CHST11: variants seen among roughly 807,000 people sequenced by gnomAD.
CHST11 encodes C4S-1.
A neutral mutation model predicts 30.4 loss-of-function variants in CHST11; 9 were observed. The observed-to-expected ratio is 0.30, with a 90% CI of 0.18 to 0.52. CHST11 has a LOEUF of 0.52. Among genes scored for constraint, CHST11 ranks in the 20% least tolerant of loss-of-function variants. CHST11 has a pLI of 0.97. For synonymous variants in CHST11, 152 were observed against 187.8 expected (o/e 0.81, Z 1.56); for missense variants, 348 against 460.6 (o/e 0.76, Z 2.24).
chr12:104,660,921 G>T (rs760291347), intron 2 of CHST11, among the ~76,000 whole-genome samples: 14 of 152,112 alleles, frequency 9.2e-5, no homozygotes, highest in Admixed American at 5.2e-4. Context: ...GGTTTCTGTG[G>T]TTCTCATCCT....
At chr12:104,657,595 T>A (rs1215774471) in intron 2 of CHST11, among the ~76,000 whole-genome samples, 1 of 152,056 alleles carries the variant, frequency 6.6e-6, no homozygotes, top group Admixed American at 6.5e-5. Context: ...ATGGGAGAAA[T>A]AATGCATGTT....
At chr12:104,466,024 C>T (rs2037454136) in intron 1 of CHST11, among the ~76,000 whole-genome samples, 1 of 151,792 alleles carries the variant, frequency 6.6e-6, no homozygotes, top group African/African-American at 2.4e-5. Context: ...CACGCCCAGC[C>T]AATTTTTGTA....
chr12:104,476,887 C>T (rs2037567966), intron 1 of CHST11, among the ~76,000 whole-genome samples: 1 of 151,238 alleles, frequency 6.6e-6, no homozygotes, highest in South Asian at 2.1e-4. Flanking sequence ...ACTGTGTCCC[C>T]AGTCCCTGGC....
At chr12:104,492,959 G>A (rs2037761680) in intron 1 of CHST11, among the ~76,000 whole-genome samples, 1 of 151,274 alleles carries the variant, frequency 6.6e-6, no homozygotes, top group South Asian at 2.1e-4. Flanking sequence ...CTTGAACCCG[G>A]GAGGCGGAGG....
intron 2 of CHST11, among the ~76,000 whole-genome samples, chr12:104,649,726 G>A (rs963699917): frequency 6.6e-6 from 1 of 152,228 alleles, no homozygotes; most frequent in African/African-American, 2.4e-5. Flanking sequence ...TCAGAGTATA[G>A]TGTGTTTGGC....
chr12:104,669,420 A>AT (rs34475114), intron 2 of CHST11, among the ~76,000 whole-genome samples: 59,819 of 151,850 alleles, frequency 0.39, 11,940 homozygotes, highest in African/African-American at 0.45. Flanking sequence ...GGTGCAAATG[A>AT]TTTTTTTTCC....
At chr12:104,641,503 G>A (rs749902704) in intron 2 of CHST11, among the ~76,000 whole-genome samples, 2 of 152,128 alleles carry the variant, frequency 1.3e-5, no homozygotes, top group Admixed American at 6.5e-5. Flanking sequence ...TCTGAGGGGT[G>A]GAACAGTGAG....
chr12:104,719,624 G>A (rs1270872494), intron 2 of CHST11, among the ~76,000 whole-genome samples: 1 of 152,180 alleles, frequency 6.6e-6, no homozygotes, highest in Non-Finnish European at 1.5e-5. Flanking sequence ...CTACTTCAGG[G>A]CAAATGACTG....
At chr12:104,633,540 G>A (rs111835549) in intron 2 of CHST11, among the ~76,000 whole-genome samples, 7,444 of 148,574 alleles carry the variant, frequency 0.05, 289 homozygotes, top group African/African-American at 0.1. Flanking sequence ...TCAGCCTCCC[G>A]AGTAGCTGGG....
chr12:104,741,771 T>C (rs1350532970), intron 2 of CHST11, among the ~76,000 whole-genome samples: 2 of 152,102 alleles, frequency 1.3e-5, no homozygotes, highest in Admixed American at 1.3e-4. Flanking sequence ...CGCTCAATCA[T>C]CAGTTCTCAA....
chr12:104,736,820 G>A (rs569527556), intron 2 of CHST11, among the ~76,000 whole-genome samples: 1 of 152,180 alleles, frequency 6.6e-6, no homozygotes, highest in East Asian at 1.9e-4. Context: ...AGCGCTGTAG[G>A]TGTACTAGAA....
rs1363036312 is a variant in CHST11 at position 104,758,088 on chromosome 12, A to C, written c.*285A>C. The C allele has an allele frequency of 3.9e-6, 1 of 258,272 alleles. No individual in the cohort carries two copies. Among genetic ancestry groups the C allele is most frequent in the Non-Finnish European group, 7.3e-6 (1 of 136,298 alleles). 16.0% of individuals were successfully genotyped at this position (258,272 alleles called of 1,614,324 possible). A position where few individuals can be genotyped will look rare whatever the true frequency, so the allele number is the denominator to read the frequency against. ...ATGAATTGTGCATTCCATAAATTCTAATTAATATTATTTATAGTTATTTAA... is the reference window on the plus strand; with the variant it reads ...ATGAATTGTGCATTCCATAAATTCTCATTAATATTATTTATAGTTATTTAA... On this transcript the variant is annotated 3_prime_UTR_variant, in exon 3 of 3. Transcript: ENST00000303694.
At chr12:104,651,060 C>T (rs997000923) in intron 2 of CHST11, among the ~76,000 whole-genome samples, 16 of 152,178 alleles carry the variant, frequency 1.1e-4, no homozygotes, top group African/African-American at 3.6e-4. Context: ...TTTCAAATAG[C>T]CAAGCCAACC....
intron 1 of CHST11, among the ~76,000 whole-genome samples, chr12:104,536,279 TG>T (rs2038236492): frequency 6.6e-6 from 1 of 151,396 alleles, no homozygotes; most frequent in Non-Finnish European, 1.5e-5. Context: ...TTAAGTCTGG[TG>T]TTTATGTCAT....
chr12:104,520,521 A>C (rs1020316441), intron 1 of CHST11, among the ~76,000 whole-genome samples: 3 of 152,106 alleles, frequency 2.0e-5, no homozygotes, highest in African/African-American at 4.8e-5. Flanking sequence ...ACAAAAAAAA[A>C]CAAACCTCTC....
At chr12:104,684,032 G>T (rs939368343) in intron 2 of CHST11, among the ~76,000 whole-genome samples, 4 of 152,172 alleles carry the variant, frequency 2.6e-5, no homozygotes, top group African/African-American at 7.2e-5. Flanking sequence ...GCACACTGCT[G>T]GCAGAATAGT....
intron 2 of CHST11, among the ~76,000 whole-genome samples, chr12:104,666,911 GC>G (rs1555242071): frequency 6.6e-6 from 1 of 151,956 alleles, no homozygotes; most frequent in Non-Finnish European, 1.5e-5. Context: ...CCAAAACTAT[GC>G]CCAGGGTAGC....
chr12:104,658,827 G>C (rs2039570345), intron 2 of CHST11, among the ~76,000 whole-genome samples: 2 of 152,212 alleles, frequency 1.3e-5, no homozygotes, highest in African/African-American at 4.8e-5. Context: ...TAATCCTCAT[G>C]ATGACCCTTG....
intron 1 of CHST11, chr12:104,591,844 G>T (rs553560350): frequency 2.6e-5 from 4 of 154,228 alleles, no homozygotes; most frequent in Middle Eastern, 5.4e-4. Context: ...GTCACACATA[G>T]TAAGGATAGT....
Sources: allele counts gnomAD v4.1 joint callset (sites outside exome capture counted in the v4.1 genomes callset), GRCh38; gene constraint gnomAD v4.1.1; transcripts MANE v1.5; gene names NCBI Gene and HGNC (gene_info 2026-07-23, HGNC 2026-07-21).